ERLIN1: variants seen among roughly 807,000 people sequenced by gnomAD.
ERLIN1 encodes ER lipid raft associated 1.
In ERLIN1, 24 loss-of-function variants were observed where a neutral mutation model predicts 46.9. The ratio of observed to expected loss-of-function variants is 0.51; its 90% confidence interval spans 0.37 to 0.72. ERLIN1 has a LOEUF of 0.72. ERLIN1 is among the 30% of genes least tolerant of loss of function. ERLIN1 has a pLI of 0.00. For synonymous variants in ERLIN1, 158 were observed against 143.2 expected (o/e 1.10, Z -0.74); for missense variants, 293 against 417.9 (o/e 0.70, Z 2.61).
intron 4 of ERLIN1, 84 bp from the exon 5 acceptor site, chr10:100,176,154 G>C: frequency 8.2e-7 from 1 of 1,225,196 alleles, no homozygotes; most frequent in East Asian, 2.6e-5. Flanking sequence ...AAGTCAGGGT[G>C]ATATATTACA....
intron 7 of ERLIN1, among the ~76,000 whole-genome samples, chr10:100,166,648 C>T (rs1843659819): frequency 6.6e-6 from 1 of 152,072 alleles, no homozygotes; most frequent in South Asian, 2.1e-4. Flanking sequence ...TTTATTTTTC[C>T]AGCGTCTTAT....
chr10:100,168,307 A>C (rs180858408), intron 6 of ERLIN1, among the ~76,000 whole-genome samples: 25 of 152,356 alleles, frequency 1.6e-4, no homozygotes, highest in African/African-American at 6.0e-4. Context: ...AAGGCTTTTA[A>C]AACTTTTAAG....
intron 10 of ERLIN1, among the ~76,000 whole-genome samples, chr10:100,153,562 C>A (rs1052215049): frequency 3.9e-5 from 6 of 152,320 alleles, no homozygotes; most frequent in Non-Finnish European, 7.3e-5. Context: ...ATTTTCTACA[C>A]TTTGACATCT....
Position 100,185,821 on chromosome 10 carries a change from C to T in ERLIN1, c.-195G>A. On this transcript the variant is annotated 5_prime_UTR_variant, in exon 1 of 11. Coordinates refer to ENST00000421367, the MANE Select transcript of ERLIN1 (RefSeq NM_006459.4). ...GACCCCTTGCCAACTCCTCCGCCCCCGGAGGCCAGTGGGCCGCCCCTGCTC... is the reference window on the plus strand; with the variant it reads ...GACCCCTTGCCAACTCCTCCGCCCCTGGAGGCCAGTGGGCCGCCCCTGCTC... 1.7e-6 allele frequency: 1 copy of T among 589,154 alleles called. No individual in the cohort carries two copies. Among genetic ancestry groups the T allele is most frequent in the East Asian group, 2.9e-5 (1 of 34,604 alleles). 36.5% of individuals were successfully genotyped at this position (589,154 alleles called of 1,614,324 possible).
chr10:100,175,944 C>G lies in ERLIN1; in HGVS notation c.430+1G>C. 1.9e-6 allele frequency: 3 copies of G among 1,612,118 alleles called. No individual in the cohort carries two copies. Among genetic ancestry groups the G allele is most frequent in the Non-Finnish European group, 2.5e-6 (3 of 1,178,940 alleles). ...ACATACATAAGAATTAAGACACTTA[C>G]CAAACAATTCAATGTAAACTTCCTG... On this transcript the variant is annotated splice_donor_variant, in intron 5 of 10. Coordinates refer to ENST00000421367, the MANE Select transcript of ERLIN1 (RefSeq NM_006459.4). LOFTEE classifies it high-confidence loss of function.
chr10:100,152,165 T>C lies in ERLIN1; in HGVS notation c.1013A>G (p.Glu338Gly). The change falls in exon 11 of 11, where the codon GAG (glutamate) becomes GGG (glycine). Residue 338 changes from glutamate to glycine, a missense_variant. Physicochemically the swap from Glu to Gly is moderately conservative, Grantham distance 98. Coordinates refer to ENST00000421367, the MANE Select transcript of ERLIN1 (RefSeq NM_006459.4). ...PSKEALEPSG[E>G]NVIQNKESTG ...GCTCTCTTTGTTTTGGATGACGTTC[T>C]CTCCAGAGGGTTCAAGAGCCTCCTT... 1 of 1,613,386 alleles carries C rather than the reference T, an allele frequency of 6.2e-7. No homozygotes were observed. Among genetic ancestry groups the C allele is most frequent in the Non-Finnish European group, 8.5e-7 (1 of 1,179,298 alleles).
intron 3 of ERLIN1, among the ~76,000 whole-genome samples, chr10:100,178,611 T>C (rs1487518429): frequency 2.0e-5 from 3 of 152,186 alleles, no homozygotes; most frequent in Non-Finnish European, 2.9e-5. Context: ...CCCAGACCTA[T>C]TGAATCAGAA....
At position 100,167,305 on chromosome 10, in the gene ERLIN1, C is replaced by T. The variant is rs138165604; in HGVS notation, c.563+43G>A. On this transcript the variant is annotated intron_variant, in intron 7 of 10. Coordinates refer to ENST00000421367, the MANE Select transcript of ERLIN1 (RefSeq NM_006459.4). ...CTAGACTGGAATATTAATATGCAGA[C>T]AGCCCTAAACAGAAATATTGGGATC... 632 of 1,358,492 alleles carry T rather than the reference C, an allele frequency of 4.7e-4. 5 individuals carry two copies. In the East Asian group the frequency reaches 0.013, roughly 29 times the overall value. 84.2% of individuals were successfully genotyped at this position (1,358,492 alleles called of 1,614,324 possible).
chr10:100,181,513 CTTTT>C (rs34628060), intron 2 of ERLIN1, among the ~76,000 whole-genome samples: 1 of 126,996 alleles, frequency 7.9e-6, no homozygotes, highest in African/African-American at 3.2e-5. Context: ...TAAGAACACT[CTTTT>C]TTTTTTTTTT....
At position 100,152,192 on chromosome 10, in the gene ERLIN1, G is replaced by C. The variant is rs780862850; in HGVS notation, c.986C>G (p.Ser329Cys). 1.2e-5 allele frequency: 19 copies of C among 1,613,506 alleles called. No individual in the cohort carries two copies. Among genetic ancestry groups the C allele is most frequent in the Middle Eastern group, 1.6e-4 (1 of 6,084 alleles). ...IRTGRESSLPSKEALEPSGEN... is the reference protein window; with the variant it reads ...IRTGRESSLPCKEALEPSGEN... ...TCCAGAGGGTTCAAGAGCCTCCTTA[G>C]AGGGGAGTGAGCTTTCTCTTCCAGT... The change falls in exon 11 of 11, where the codon TCT (serine) becomes TGT (cysteine). Residue 329 changes from serine (S) to cysteine (C), a missense_variant. By Grantham distance (112) the Ser-to-Cys change is moderately radical. Around this residue, in one of 3 missense-constraint regions of ERLIN1, gnomAD observed 69 missense variants for 74.5 expected, o/e 0.93. Transcript: ENST00000421367.
At chr10:100,163,145 A>T (rs150274986) in intron 8 of ERLIN1, among the ~76,000 whole-genome samples, 1,777 of 152,338 alleles carry the variant, frequency 0.012, 45 homozygotes, top group African/African-American at 0.04. Flanking sequence ...AATAAAACTC[A>T]ATGTTAGTGA....
intron 8 of ERLIN1, among the ~76,000 whole-genome samples, chr10:100,162,351 T>C (rs1258088558): frequency 6.6e-6 from 1 of 152,198 alleles, no homozygotes; most frequent in Non-Finnish European, 1.5e-5. Context: ...TGTCTTCCAT[T>C]AAACAGACAT....
chr10:100,181,600 G>A (rs940487328), intron 2 of ERLIN1, among the ~76,000 whole-genome samples: 12 of 145,268 alleles, frequency 8.3e-5, no homozygotes, highest in Admixed American at 1.4e-4. Context: ...CTGCAACCTC[G>A]GTCTCCCAGG....
chr10:100,155,250 A>G (rs1343816936), intron 9 of ERLIN1, among the ~76,000 whole-genome samples: 1 of 152,138 alleles, frequency 6.6e-6, no homozygotes. Context: ...TTCAAGTAAA[A>G]TAAGTCCAGA....
rs745934256 is a variant in ERLIN1, at chr10:100,156,273, T to C, written c.656-39A>G. The C allele has an allele frequency of 8.2e-6, 11 of 1,340,684 alleles. No homozygotes were observed. The African/African-American group carries it at 1.3e-4, about 16-fold the overall frequency. 83.0% of individuals were successfully genotyped at this position (1,340,684 alleles called of 1,614,324 possible). ...ACATAAGAAGACACATTCAAAACCA[T>C]TTCTACAGTACCTGAGGCACTTCGA... On this transcript the variant is annotated intron_variant, in intron 8 of 10. Coordinates refer to ENST00000421367, the MANE Select transcript of ERLIN1 (RefSeq NM_006459.4).
chr10:100,184,431 T>C (rs1844844553), intron 1 of ERLIN1, among the ~76,000 whole-genome samples: 1 of 152,188 alleles, frequency 6.6e-6, no homozygotes, highest in African/African-American at 2.4e-5. Flanking sequence ...AATCCTGGAA[T>C]GTGAAAACTA....
At chr10:100,168,095 TG>T (rs1225363116) in intron 6 of ERLIN1, among the ~76,000 whole-genome samples, 10 of 152,230 alleles carry the variant, frequency 6.6e-5, no homozygotes, top group Non-Finnish European at 1.5e-4. Flanking sequence ...TGGACAGTAC[TG>T]TTTTTTGAAG....
At chr10:100,181,547 CT>C (rs779043898) in intron 2 of ERLIN1, among the ~76,000 whole-genome samples, 1 of 143,292 alleles carries the variant, frequency 7.0e-6, no homozygotes. Flanking sequence ...CGGAGTCTTC[CT>C]CTGTTGCCCA....
intron 6 of ERLIN1, among the ~76,000 whole-genome samples, chr10:100,171,672 A>T (rs537274730): frequency 1.3e-5 from 2 of 152,272 alleles, no homozygotes; most frequent in East Asian, 3.9e-4. Flanking sequence ...CAGCCTCCTA[A>T]AGTGGTGGGA....
Sources: gnomAD v4.1 joint callset for allele counts (sites outside exome capture counted in the v4.1 genomes callset) on GRCh38, gnomAD v4.1.1 for gene constraint, gnomAD v4.1.1 regional missense constraint, MANE v1.5 for transcripts, NCBI Gene and HGNC (gene_info 2026-07-23, HGNC 2026-07-21) for gene names.